CSMD2: variants seen among roughly 807,000 people sequenced by gnomAD.
The protein encoded by CSMD2 is CUB and sushi domain-containing protein 2.
In CSMD2, 130 loss-of-function variants were observed where a neutral mutation model predicts 398.5. That is an observed-to-expected ratio of 0.33 (90% CI 0.28 to 0.38). The LOEUF (loss-of-function observed/expected upper bound fraction) is 0.38. Among genes scored for constraint, CSMD2 ranks in the 10% least tolerant of loss-of-function variants. The probability of loss-of-function intolerance (pLI) is 1.00; values close to 1 mark genes in which losing one functional copy is unlikely to be tolerated. For synonymous variants in CSMD2, 1,828 were observed against 1,908.5 expected, an observed-to-expected ratio of 0.96 and a Z score of 1.10; for missense variants, 3,829 against 4,764.9, an observed-to-expected ratio of 0.80 and a Z score of 5.78.
At chr1:34,040,277 A>G (rs1053849879) in intron 2 of CSMD2, among the ~76,000 whole-genome samples, 5 of 152,230 alleles carry the variant, frequency 3.3e-5, no homozygotes, top group African/African-American at 1.2e-4. Context: ...TATGAAAGGC[A>G]TACTTCCGGG....
At chr1:34,014,469 T>C (rs1460953890) in intron 3 of CSMD2, among the ~76,000 whole-genome samples, 4 of 152,244 alleles carry the variant, frequency 2.6e-5, no homozygotes, top group East Asian at 3.8e-4. Flanking sequence ...TCTCCAGATA[T>C]GCCAGGGGAA....
At chr1:34,082,486 C>T (rs1657347932) in intron 2 of CSMD2, among the ~76,000 whole-genome samples, 1 of 151,214 alleles carries the variant, frequency 6.6e-6, no homozygotes, top group South Asian at 2.1e-4. Flanking sequence ...GCCACCCTGT[C>T]TGGGAGGTGG....
intron 32 of CSMD2, among the ~76,000 whole-genome samples, chr1:33,630,844 G>A (rs1642425917): frequency 6.6e-6 from 1 of 152,126 alleles, no homozygotes; most frequent in Non-Finnish European, 1.5e-5. Flanking sequence ...ACACCATGAT[G>A]AGCTATTTAA....
intron 6 of CSMD2, among the ~76,000 whole-genome samples, chr1:33,846,536 C>T (rs183784065): frequency 4.9e-4 from 74 of 152,216 alleles, no homozygotes; most frequent in African/African-American, 1.7e-3. Flanking sequence ...AGGTGATGAC[C>T]GTGTTTCCTT....
At chr1:33,853,186 TTGTC>T (rs1638838953) in intron 5 of CSMD2, among the ~76,000 whole-genome samples, 1 of 152,220 alleles carries the variant, frequency 6.6e-6, no homozygotes, top group East Asian at 1.9e-4. Context: ...GTTCTCCACA[TTGTC>T]TGTCTTATAT....
At chr1:33,889,753 CTGTGTG>C (rs55771161) in intron 5 of CSMD2, among the ~76,000 whole-genome samples, 2,131 of 148,144 alleles carry the variant, frequency 0.014, 40 homozygotes, top group African/African-American at 0.047. Context: ...ACCTCCTATC[CTGTGTG>C]TGTGTGTGTG....
At chr1:33,989,476 T>C (rs1646476842) in intron 3 of CSMD2, among the ~76,000 whole-genome samples, 1 of 152,164 alleles carries the variant, frequency 6.6e-6, no homozygotes. Context: ...TCCTAAGAAT[T>C]TACCCAGAGG....
In CSMD2 at chr1:33,537,727, G is replaced by T. The variant is rs977535175; in HGVS notation, c.9632-118C>A. ...CCCTTCCTGGTTGAGCTTGAACTCT[G>T]GGAACCGGGGCAGCCCCAGGTAGGT... On this transcript the variant is annotated intron_variant, in intron 60 of 70. Coordinates refer to ENST00000373381, the MANE Select transcript of CSMD2 (RefSeq NM_001281956.2). This position sits in a 1 kb window ranked among gnomAD's most constrained non-coding sequence, Gnocchi z 4.6. 4.5e-6 allele frequency: 5 copies of T among 1,122,596 alleles called. No individual in the cohort carries two copies. Among genetic ancestry groups the T allele is most frequent in the Non-Finnish European group, 6.1e-6 (5 of 818,572 alleles). The allele number at this position is 1,122,596 out of a possible 1,614,324, so 69.5% of individuals were successfully genotyped here. A position where few individuals can be genotyped will look rare whatever the true frequency, so the allele number is the denominator to read the frequency against.
chr1:33,544,673 G>C lies in CSMD2; in HGVS notation c.9100+1364C>G, dbSNP rs143602542. 8.4e-4 allele frequency among the ~76,000 whole-genome samples: 127 copies of C among 152,094 alleles called. 1 individual carries two copies. The East Asian group carries it at 0.022, about 27-fold the overall frequency. On this transcript the variant is annotated intron_variant, in intron 57 of 70. Transcript: ENST00000373381. ...AGCCTGGGAAGGGTGAGTCAGGGGA[G>C]GGGGAGGATGAAGAGAAGTGGGTTA... is the stretch of plus-strand genomic sequence containing the variant.
chr1:33,707,709 A>ACG (rs1295857131), intron 22 of CSMD2, among the ~76,000 whole-genome samples: 1 of 130,610 alleles, frequency 7.7e-6, no homozygotes, highest in African/African-American at 4.1e-5. Context: ...ACACACACAC[A>ACG]CACACACACA....
intron 29 of CSMD2, among the ~76,000 whole-genome samples, chr1:33,644,084 C>G (rs1283039057): frequency 1.3e-5 from 2 of 152,188 alleles, no homozygotes; most frequent in Non-Finnish European, 2.9e-5. Context: ...CTCTTCTCCC[C>G]TCTCTCCAGT....
At chr1:33,804,079 C>T (rs988927195) in intron 10 of CSMD2, among the ~76,000 whole-genome samples, 2 of 152,170 alleles carry the variant, frequency 1.3e-5, no homozygotes, top group African/African-American at 4.8e-5. Flanking sequence ...TCTTTATCTA[C>T]CAAATAGGTA....
chr1:33,977,193 T>C (rs1432600849), intron 3 of CSMD2, among the ~76,000 whole-genome samples: 2 of 151,938 alleles, frequency 1.3e-5, no homozygotes, highest in Non-Finnish European at 2.9e-5. Flanking sequence ...TACCTTCCCA[T>C]AGAACTCCCA....
At chr1:33,979,014 C>T (rs542711937) in intron 3 of CSMD2, among the ~76,000 whole-genome samples, 1 of 152,340 alleles carries the variant, frequency 6.6e-6, no homozygotes, top group East Asian at 1.9e-4. Context: ...GGATCAACCA[C>T]AGCCATCTCC....
chr1:33,690,067 C>T (rs182557683), intron 25 of CSMD2, among the ~76,000 whole-genome samples: 13 of 152,220 alleles, frequency 8.5e-5, no homozygotes, highest in East Asian at 1.9e-4. Flanking sequence ...CTGCGCTTAC[C>T]GGCCCAGCCC....
At chr1:33,947,145 C>T (rs534477208) in intron 3 of CSMD2, among the ~76,000 whole-genome samples, 2 of 152,308 alleles carry the variant, frequency 1.3e-5, no homozygotes, top group African/African-American at 2.4e-5. Flanking sequence ...CTGGAGGGTC[C>T]TGCCTTGAGG....
intron 60 of CSMD2, among the ~76,000 whole-genome samples, chr1:33,538,020 T>A (rs1398036975): frequency 6.6e-6 from 1 of 152,250 alleles, no homozygotes; most frequent in African/African-American, 2.4e-5. Context: ...TCACTTAGCA[T>A]TATCTTGTAA....
chr1:33,635,147 A>C lies in CSMD2; in HGVS notation c.5086+67T>G. The C allele has an allele frequency of 3.2e-6, 3 of 949,508 alleles. No individual in the cohort carries two copies. Among genetic ancestry groups the C allele is most frequent in the Non-Finnish European group, 5.0e-6 (3 of 596,660 alleles). The allele number at this position is 949,508 out of a possible 1,614,324, so 58.8% of individuals were successfully genotyped here. On this transcript the variant is annotated intron_variant, in intron 31 of 70. Coordinates refer to ENST00000373381, the MANE Select transcript of CSMD2 (RefSeq NM_001281956.2). This position sits in a 1 kb window ranked among gnomAD's most constrained non-coding sequence, Gnocchi z 5.0. ...TATATAATTGGGAGGCGTCTGAGGA[A>C]TTGCTCATTTTGGAATGAGGGTGAG...
Position 34,051,306 on chromosome 1 carries a change from G to A in CSMD2, c.405-18600C>T, listed in dbSNP as rs186120623. On this transcript the variant is annotated intron_variant, in intron 2 of 70. Coordinates refer to ENST00000373381, the MANE Select transcript of CSMD2 (RefSeq NM_001281956.2). ...GCTGTGATGCTTGCTGAAGACAAAG[G>A]GAATACAGAATGGGTAGTGAAAGAG... 4.6e-5 allele frequency among the ~76,000 whole-genome samples: 7 copies of A among 152,292 alleles called. No homozygotes were observed. The East Asian group carries it at 1.4e-3, about 29-fold the overall frequency.
Sources: allele counts gnomAD v4.1 joint callset (sites outside exome capture counted in the v4.1 genomes callset), GRCh38; gene constraint gnomAD v4.1.1; non-coding constraint Gnocchi (gnomAD v3.1); transcripts MANE v1.5; gene names NCBI Gene and HGNC (gene_info 2026-07-23, HGNC 2026-07-21).